CAMK2B: variants seen among roughly 807,000 people sequenced by gnomAD.
CAMK2B encodes the protein calcium/calmodulin dependent protein kinase II beta, also known as calcium/calmodulin-dependent protein kinase type II subunit beta.
In CAMK2B, 27 loss-of-function variants were observed where a neutral mutation model predicts 93.7. That is an observed-to-expected ratio of 0.29 (90% CI 0.21 to 0.40). CAMK2B has a LOEUF of 0.40. Ranked by LOEUF, CAMK2B falls within the 10% of genes least tolerant of loss-of-function variation. The probability of loss-of-function intolerance (pLI) is 1.00; values close to 1 mark genes in which losing one functional copy is unlikely to be tolerated. For synonymous variants in CAMK2B, 374 were observed against 358.8 expected, an observed-to-expected ratio of 1.04 and a Z score of -0.48; for missense variants, 568 against 895.8, an observed-to-expected ratio of 0.63 and a Z score of 4.67.
At chr7:44,265,049 C>T (rs550730853) in intron 2 of CAMK2B, among the ~76,000 whole-genome samples, 109 of 152,190 alleles carry the variant, frequency 7.2e-4, no homozygotes, top group African/African-American at 2.5e-3. Flanking sequence ...GGTGAGTTCA[C>T]GGGGTTATTG....
At chr7:44,241,345 A>C (rs2096676471) in intron 11 of CAMK2B, among the ~76,000 whole-genome samples, 2 of 152,144 alleles carry the variant, frequency 1.3e-5, no homozygotes, top group South Asian at 4.1e-4. Context: ...AACCTGTCTG[A>C]GCCGGAAGCT....
chr7:44,228,353 G>C (rs114314375), intron 19 of CAMK2B, among the ~76,000 whole-genome samples: 163 of 152,246 alleles, frequency 1.1e-3, no homozygotes, highest in African/African-American at 3.7e-3. Context: ...GTGCTCAGGG[G>C]TTGGGGCCAC....
intron 2 of CAMK2B, among the ~76,000 whole-genome samples, chr7:44,282,072 G>A (rs1654678766): frequency 6.6e-6 from 1 of 152,160 alleles, no homozygotes; most frequent in South Asian, 2.1e-4. Flanking sequence ...ACGTAGACAC[G>A]TGTGTGAACA....
At chr7:44,256,966 G>A (rs1445894550) in intron 4 of CAMK2B, among the ~76,000 whole-genome samples, 1 of 152,204 alleles carries the variant, frequency 6.6e-6, no homozygotes, top group Non-Finnish European at 1.5e-5. Context: ...GCACACATAT[G>A]ACTCCATGGC....
chr7:44,300,003 T>C (rs1789441953), intron 1 of CAMK2B, among the ~76,000 whole-genome samples: 1 of 144,058 alleles, frequency 6.9e-6, no homozygotes. Context: ...TATATATGTA[T>C]GTATATGTGT....
At chr7:44,227,323 GAGGGGGTGTGGGGGACAGA>G (rs1314972707) in intron 19 of CAMK2B, among the ~76,000 whole-genome samples, 1 of 732 alleles carries the variant, frequency 1.4e-3, no homozygotes, top group Non-Finnish European at 3.1e-3. Context: ...ATGGGGGACA[GAGGGGGTGTGGGGGACAGA>G]AGGGGGTGTG....
intron 1 of CAMK2B, among the ~76,000 whole-genome samples, chr7:44,320,081 G>GTGTA (rs972395628): frequency 9.2e-5 from 14 of 152,260 alleles, no homozygotes; most frequent in Admixed American, 5.9e-4. Context: ...TGGTGTGTGT[G>GTGTA]TGTATGTGTC....
intron 2 of CAMK2B, among the ~76,000 whole-genome samples, chr7:44,276,397 G>A (rs1009712231): frequency 9.2e-5 from 14 of 152,180 alleles, no homozygotes; most frequent in African/African-American, 3.4e-4. Context: ...CTGCAGTACC[G>A]GCTGCAGTAG....
Position 44,229,409 on chromosome 7 carries a change from A to C in CAMK2B, c.1318T>G (p.Phe440Val). ...TTACATGGGGCTGGCAGGGGGCTAA[A>C]GGGAGCCGGAGATGGGCAGGGCAGG... ...GPLPCPSPAP[F>V]SPLPAPSPRI... The change falls in exon 18 of 24, where the codon TTT becomes GTT. Residue 440 changes from phenylalanine to valine, a missense_variant. By Grantham distance (50) the Phe-to-Val change is conservative (BLOSUM62 -1). Coordinates refer to ENST00000395749, the MANE Select transcript of CAMK2B (RefSeq NM_001220.5). The C allele has an allele frequency of 1.3e-6, 2 of 1,500,296 alleles. No homozygotes were observed. Among genetic ancestry groups the C allele is most frequent in the Non-Finnish European group, 1.8e-6 (2 of 1,123,278 alleles). 92.9% of individuals were successfully genotyped at this position (1,500,296 alleles called of 1,614,324 possible). A position where few individuals can be genotyped will look rare whatever the true frequency, so the allele number is the denominator to read the frequency against.
intron 2 of CAMK2B, chr7:44,268,766 TGAA>T (rs2096943144): frequency 6.6e-6 from 1 of 152,144 alleles, no homozygotes; most frequent in African/African-American, 2.4e-5. Flanking sequence ...CCCACCACCA[TGAA>T]GGTGACAGGG....
intron 3 of CAMK2B, 62 bp from the exon 4 acceptor site, chr7:44,258,988 T>G: frequency 7.1e-7 from 1 of 1,399,808 alleles, no homozygotes; most frequent in South Asian, 1.2e-5. Context: ...CCTGCCTGCC[T>G]CCGTACCTGT....
At chr7:44,243,014 C>A (rs551866682) in intron 8 of CAMK2B, among the ~76,000 whole-genome samples, 91 of 152,354 alleles carry the variant, frequency 6.0e-4, no homozygotes, top group African/African-American at 2.1e-3. Context: ...CAGACCTCTG[C>A]TGAGCGCAGG....
intron 1 of CAMK2B, among the ~76,000 whole-genome samples, chr7:44,288,618 T>C (rs544242464): frequency 1.3e-5 from 2 of 152,334 alleles, no homozygotes; most frequent in East Asian, 3.9e-4. Context: ...ATGGGGCTTT[T>C]AAAATCAAAT....
In CAMK2B at chr7:44,311,977, C is replaced by T. The variant is rs377730211; in HGVS notation, c.65+13380G>A. On this transcript the variant is annotated intron_variant, in intron 1 of 23. Transcript: ENST00000395749. The surrounding 1 kb of genome is among the most constrained non-coding windows in gnomAD (Gnocchi z 4.2). ...CAGGCCCATCCTCACCACGGAGTCA[C>T]GCCTGCTGGAGACTTTCCTCGCCAC... Among the ~76,000 whole-genome samples, 122 of 152,316 alleles carry T rather than the reference C, an allele frequency of 8.0e-4. No individual in the cohort carries two copies. Among genetic ancestry groups the T allele is most frequent in the African/African-American group, 2.5e-3 (103 of 41,570 alleles).
chr7:44,225,673 C>A lies in CAMK2B; in HGVS notation c.1597+843G>T. On this transcript the variant is annotated intron_variant, in intron 20 of 23. Coordinates refer to ENST00000395749, the MANE Select transcript of CAMK2B (RefSeq NM_001220.5). The surrounding 1 kb of genome is among the most constrained non-coding windows in gnomAD (Gnocchi z 5.0). Reference sequence around the variant, plus strand: ...CCTGTGGGTTCACTCTCCCCACACCCTTCTGCCCTGGCCGCCTGCAGCAGC... The same window carrying A: ...CCTGTGGGTTCACTCTCCCCACACCATTCTGCCCTGGCCGCCTGCAGCAGC... 1 of 1,211,784 alleles carries A rather than the reference C, an allele frequency of 8.3e-7. No homozygotes were observed. The highest frequency in any genetic ancestry group is 1.1e-6 in the Non-Finnish European group (1 of 919,198). The allele number at this position is 1,211,784 out of a possible 1,614,324, so 75.1% of individuals were successfully genotyped here.
chr7:44,290,128 C>G (rs1043228289), intron 1 of CAMK2B, among the ~76,000 whole-genome samples: 1 of 152,248 alleles, frequency 6.6e-6, no homozygotes, highest in Non-Finnish European at 1.5e-5. Context: ...ACAACAGTGA[C>G]AGCCAAGGGC....
At chr7:44,278,255 AGGAC>A (rs2129080143) in intron 2 of CAMK2B, among the ~76,000 whole-genome samples, 1 of 152,342 alleles carries the variant, frequency 6.6e-6, no homozygotes, top group South Asian at 2.1e-4. Context: ...CCTCCGCAGC[AGGAC>A]GCAGAGGGTC....
chr7:44,229,303 C>T, intron 18 of CAMK2B, 85 bp downstream of exon 18: 1 of 874,522 alleles, frequency 1.1e-6, no homozygotes, highest in South Asian at 1.8e-5. Flanking sequence ...CACGCTCAGC[C>T]TGCCCTCGGC....
chr7:44,243,846 C>T (rs2096705379), intron 6 of CAMK2B, among the ~76,000 whole-genome samples: 1 of 152,174 alleles, frequency 6.6e-6, no homozygotes, highest in Admixed American at 6.5e-5. Flanking sequence ...CTAGTTGGAC[C>T]AAAACCTCAA....
Sources: gnomAD v4.1 joint callset for allele counts (sites outside exome capture counted in the v4.1 genomes callset) on GRCh38, gnomAD v4.1.1 for gene constraint, Gnocchi (gnomAD v3.1) non-coding constraint, MANE v1.5 for transcripts, NCBI Gene and HGNC (gene_info 2026-07-23, HGNC 2026-07-21) for gene names.